The following LRRC31 variants were observed in gnomAD, a reference collection of about 807,000 sequenced individuals.
The protein encoded by LRRC31 is leucine rich repeat containing 31.
In LRRC31, 35 loss-of-function variants were observed where a neutral mutation model predicts 46.7. That is an observed-to-expected ratio of 0.75 (90% confidence interval 0.57 to 0.99). The LOEUF is 0.99. Ranked by LOEUF, LRRC31 falls within the 50% of genes least tolerant of loss-of-function variation. LRRC31 has a pLI of 0.00. For missense variants in LRRC31, 613 were observed against 626.1 expected, an observed-to-expected ratio of 0.98 and a Z score of 0.22; for synonymous variants, 236 against 235.1, an observed-to-expected ratio of 1.00 and a Z score of -0.03.
At chr3:169,866,484 A>T (rs1055356301) in intron 1 of LRRC31, among the ~76,000 whole-genome samples, 13 of 152,274 alleles carry the variant, frequency 8.5e-5, no homozygotes, top group African/African-American at 3.1e-4. Flanking sequence ...TCTAAATCAC[A>T]CTCTAGAACA....
chr3:169,869,704 T>C lies in LRRC31; in HGVS notation c.104A>G (p.Glu35Gly), dbSNP rs1430296035. 6.2e-7 allele frequency: 1 copy of C among 1,613,280 alleles called. No individual in the cohort carries two copies. The highest frequency in any genetic ancestry group is 8.5e-7 in the Non-Finnish European group (1 of 1,179,806). Residue 35 changes from glutamate to glycine, a missense_variant, in exon 1 of 9, where the codon GAG (glutamate) becomes GGG (glycine). Transcript: ENST00000316428. ...LRGSNAESRK[E>G]DNDLKTSDSQ... ...ATCACTTGTTTTAAGGTCATTGTCC[T>C]CTTTTCTGCTTTCAGCATTGGAGCC... is the stretch of plus-strand genomic sequence containing the variant.
intron 7 of LRRC31, among the ~76,000 whole-genome samples, chr3:169,850,642 A>ATC (rs1177856143): frequency 6.6e-6 from 1 of 152,228 alleles, no homozygotes; most frequent in African/African-American, 2.4e-5. Flanking sequence ...TGTACTTAAC[A>ATC]TCTCTGTGCT....
At position 169,858,653 on chromosome 3, in the gene LRRC31, A is replaced by G. The variant is rs545735131; in HGVS notation, c.488-1781T>C. 3.9e-5 allele frequency among the ~76,000 whole-genome samples: 6 copies of G among 152,314 alleles called. No individual in the cohort carries two copies. The East Asian group carries it at 5.8e-4, about 15-fold the overall frequency. On this transcript the variant is annotated intron_variant, in intron 3 of 8. Transcript: ENST00000316428. ...GGAGGTTATCCCTATTTCAGATATA[A>G]GAAAACCGAGGCTCAGAAATTTAAA...
chr3:169,864,670 A>C (rs1576802965), intron 1 of LRRC31, among the ~76,000 whole-genome samples: 2 of 152,402 alleles, frequency 1.3e-5, no homozygotes, highest in East Asian at 1.9e-4. Flanking sequence ...CTCAATTACC[A>C]AAATAAATCA....
intron 1 of LRRC31, among the ~76,000 whole-genome samples, chr3:169,867,072 T>G (rs1452241714): frequency 1.5e-5 from 2 of 137,460 alleles, no homozygotes; most frequent in South Asian, 2.2e-4. Context: ...TTTTTTTTTT[T>G]GAGGGTCTTG....
At chr3:169,853,915 G>A (rs1780865296) in intron 6 of LRRC31, among the ~76,000 whole-genome samples, 1 of 152,202 alleles carries the variant, frequency 6.6e-6, no homozygotes, top group Non-Finnish European at 1.5e-5. Flanking sequence ...CCATGTGCAG[G>A]TGCCTGTGCT....
chr3:169,856,646 T>C, intron 4 of LRRC31, 59 bp downstream of exon 4: 1 of 1,486,798 alleles, frequency 6.7e-7, no homozygotes, highest in Non-Finnish European at 9.0e-7. Context: ...CACAGCAAAC[T>C]TCCCAAGCTA....
At chr3:169,844,499 G>A (rs908478474) in intron 8 of LRRC31, among the ~76,000 whole-genome samples, 2 of 152,090 alleles carry the variant, frequency 1.3e-5, no homozygotes, top group South Asian at 4.2e-4. Context: ...GGTGAAAAAT[G>A]GAATGCTTTT....
Position 169,848,171 on chromosome 3 carries a change from C to G in LRRC31, c.1276G>C (p.Val426Leu), listed in dbSNP as rs762187283. 1.2e-6 allele frequency: 2 copies of G among 1,614,192 alleles called. No homozygotes were observed. The highest frequency in any genetic ancestry group is 2.7e-5 in the African/African-American group (2 of 75,054). Residue 426 changes from valine (V) to leucine (L), a missense_variant, in exon 8 of 9, where the codon GTG becomes CTG. Coordinates refer to ENST00000316428, the MANE Select transcript of LRRC31 (RefSeq NM_024727.4). ...AGGGAACAGCTGCTCAGCCTCAGCA[C>G]TTGAAGAGACATGGAAAGCTTTAGT... ...ETLKLSMSLQ[V>L]LRLSSCSLVT...
At chr3:169,861,631 G>T in intron 2 of LRRC31, 39 bp downstream of exon 2, 2 of 1,603,412 alleles carry the variant, frequency 1.2e-6, no homozygotes, top group South Asian at 1.1e-5. Flanking sequence ...CAATGGAAAG[G>T]CCCTATCTTC....
rs1553924970 is a variant in LRRC31, at chr3:169,857,415, C to CATATATATATATATATATATATATATAT, written c.488-544_488-543insATATATATATATATATATATATATATAT. On this transcript the variant is annotated intron_variant, in intron 3 of 8. Coordinates refer to ENST00000316428, the MANE Select transcript of LRRC31 (RefSeq NM_024727.4). Reference sequence around the variant, plus strand: ...ATACATACACACACATATACATATACATATATATATATATGAGGAATATCA... The same window carrying CATATATATATATATATATATATATATAT: ...ATACATACACACACATATACATATACATATATATATATATATATATATATATATATATATATATATATGAGGAATATCA... Among the ~76,000 whole-genome samples the CATATATATATATATATATATATATATAT allele has an allele frequency of 7.3e-3, 719 of 98,536 alleles. 25 individuals carry two copies. The highest frequency in any genetic ancestry group is 0.025 in the African/African-American group (683 of 27,500). The allele number at this position is 98,536 out of a possible 152,430, so 64.6% of individuals were successfully genotyped here.
rs756489844 is a variant in LRRC31, at chr3:169,860,618, A to G, written c.430T>C (p.Leu144=). 4.3e-6 allele frequency: 7 copies of G among 1,614,140 alleles called. No homozygotes were observed. In the South Asian group the frequency reaches 6.6e-5, roughly 15 times the overall value. ...CAGCTACCCAGCCTCAAGATTTTTA[A>G]CTTGCTGACCAGATGCATTTGCTGA... The part of the protein sequence containing the change: ...ITQQMHLVSK[L]KILRLGSCRL... The change falls in exon 3 of 9, where the codon TTA becomes CTA. Residue 144 remains leucine, a synonymous_variant. Coordinates refer to ENST00000316428, the MANE Select transcript of LRRC31 (RefSeq NM_024727.4).
intron 5 of LRRC31, 54 bp from the exon 6 acceptor site, chr3:169,855,034 T>G (rs7637973): frequency 6.7e-7 from 1 of 1,488,416 alleles, no homozygotes; most frequent in South Asian, 1.2e-5. Flanking sequence ...GGTGTACCTA[T>G]AGTCCCAGCT....
chr3:169,842,013 C>G (rs1780465999), intron 8 of LRRC31, among the ~76,000 whole-genome samples: 1 of 151,706 alleles, frequency 6.6e-6, no homozygotes, highest in Admixed American at 6.6e-5. Context: ...CCACTGCACT[C>G]TAGCCTGGGT....
intron 1 of LRRC31, among the ~76,000 whole-genome samples, chr3:169,869,059 T>A (rs771721312): frequency 3.0e-4 from 46 of 151,666 alleles, no homozygotes; most frequent in Non-Finnish European, 3.7e-4. Context: ...TGTGCAATAA[T>A]TTATTGCACA....
rs1780393805 is a variant in LRRC31 at position 169,839,885 on chromosome 3, G to T, written c.*97C>A. The T allele has an allele frequency of 3.9e-6, 3 of 763,964 alleles. No individual in the cohort carries two copies. The highest frequency in any genetic ancestry group is 2.0e-5 in the South Asian group (1 of 50,956). 47.3% of individuals were successfully genotyped at this position (763,964 alleles called of 1,614,324 possible). ...CTTGTAATATAAGTCCCATTAAATG[G>T]CCCAGAAGTTGAAATTCAGTTCATG... On this transcript the variant is annotated 3_prime_UTR_variant, in exon 9 of 9. Transcript: ENST00000316428.
At chr3:169,855,105 G>A in intron 5 of LRRC31, 125 bp from the exon 6 acceptor site, 2 of 715,284 alleles carry the variant, frequency 2.8e-6, no homozygotes, top group Non-Finnish European at 4.5e-6. Flanking sequence ...AGCTTGGGCA[G>A]CATAGTGAGA....
chr3:169,847,974 C>G, intron 8 of LRRC31, 146 bp downstream of exon 8: 1 of 700,120 alleles, frequency 1.4e-6, no homozygotes, highest in Non-Finnish European at 2.3e-6. Context: ...AATTAGACCT[C>G]TCGGCAGATG....
chr3:169,867,047 G>GTTTTTTTTT (rs1560636105), intron 1 of LRRC31, among the ~76,000 whole-genome samples: 6 of 92,678 alleles, frequency 6.5e-5, no homozygotes, highest in East Asian at 4.5e-4. Flanking sequence ...GGTTTTTTTT[G>GTTTTTTTTT]TTTGTTTGTT....
Sources: gnomAD v4.1 joint callset for allele counts (sites outside exome capture counted in the v4.1 genomes callset) on GRCh38, gnomAD v4.1.1 for gene constraint, MANE v1.5 for transcripts, NCBI Gene and HGNC (gene_info 2026-07-23, HGNC 2026-07-21) for gene names.